Variants in PCDH10 observed in about 807,000 individuals in gnomAD.
PCDH10 encodes the protein protocadherin-10.
In PCDH10, 15 loss-of-function variants were observed where a neutral mutation model predicts 74.4. The observed-to-expected ratio is 0.20, with a 90% CI of 0.13 to 0.31. The LOEUF (loss-of-function observed/expected upper bound fraction) is 0.31, where lower values mean the gene tolerates loss of function less well. Among genes scored for constraint, PCDH10 ranks in the 10% least tolerant of loss-of-function variants. The probability of loss-of-function intolerance (pLI) is 1.00; values close to 1 mark genes in which losing one functional copy is unlikely to be tolerated. For missense variants in PCDH10, 1,260 were observed against 1,390.2 expected, an observed-to-expected ratio of 0.91 and a Z score of 1.49; for synonymous variants, 619 against 589.8, an observed-to-expected ratio of 1.05 and a Z score of -0.72.
chr4:133,153,051 C>G (rs1726776779), intron 1 of PCDH10: 1 of 1,392,196 alleles, frequency 7.2e-7, no homozygotes, highest in Middle Eastern at 2.7e-4. Context: ...TCAGTCCTTT[C>G]CCTTCTCAGT....
intron 3 of PCDH10, among the ~76,000 whole-genome samples, chr4:133,155,992 A>G (rs1343380541): frequency 2.0e-5 from 3 of 152,188 alleles, no homozygotes; most frequent in Non-Finnish European, 4.4e-5. Context: ...AGGCTAGTCA[A>G]CTTTTCTAAC....
Position 133,169,025 on chromosome 4 carries a change from A to T in PCDH10, c.3103+5743A>T, listed in dbSNP as rs867696671. ...TCATGGAGTGTTTCAGGACTTTGAG[A>T]TGTTAAATTTCTTTTGATTTGTTCT... On this transcript the variant is annotated intron_variant, in intron 4 of 4. Coordinates refer to ENST00000264360, the MANE Select transcript of PCDH10 (RefSeq NM_032961.3). 2.2e-4 allele frequency among the ~76,000 whole-genome samples: 33 copies of T among 151,796 alleles called. No individual in the cohort carries two copies. The Middle Eastern group carries it at 0.01, about 47-fold the overall frequency.
rs776083112 is a variant in PCDH10, at chr4:133,151,238, G to A, written c.1098G>A (p.Ala366=). 6.2e-7 allele frequency: 1 copy of A among 1,614,018 alleles called. No individual in the cohort carries two copies. The highest frequency in any genetic ancestry group is 1.7e-5 in the Admixed American group (1 of 60,026). ...TCAGCTTCAGCACCGTGAAGGAAGC[G>A]GTGAGTGAGGGCGCGGCGCCCGGCA... ...PEISFSTVKE[A]VSEGAAPGTV... Residue 366 remains alanine, a synonymous_variant, in exon 1 of 5, where the codon GCG becomes GCA. Transcript: ENST00000264360.
At chr4:133,203,217 T>C (rs546987056) in intron 2 of PCDH10, among the ~76,000 whole-genome samples, 1 of 152,242 alleles carries the variant, frequency 6.6e-6, no homozygotes, top group East Asian at 1.9e-4. Context: ...ATAGAGATAG[T>C]ATAGACATTA....
chr4:133,205,672 A>C (rs1035664063), intron 2 of PCDH10, among the ~76,000 whole-genome samples: 9 of 151,710 alleles, frequency 5.9e-5, no homozygotes, highest in Non-Finnish European at 1.3e-4. Context: ...CTTGTCTGTC[A>C]ATTTTCATTA....
Position 133,152,172 on chromosome 4 carries a change from C to T in PCDH10, c.2032C>T (p.Leu678=), listed in dbSNP as rs758373644. 3.2e-5 allele frequency: 51 copies of T among 1,569,444 alleles called. No individual in the cohort carries two copies. Among genetic ancestry groups the T allele is most frequent in the Middle Eastern group, 1.7e-4 (1 of 5,828 alleles). The stretch of plus-strand genomic sequence containing the variant: ...CTCCACCGCCACCCTGGTGGTTCAG[C>T]TGGTGGATGGCGCCGTGGAGCCCCA... ...LSSTATLVVQ[L]VDGAVEPQGG... Residue 678 remains leucine (L), a synonymous_variant, in exon 1 of 5, where the codon CTG becomes TTG. Transcript: ENST00000264360.
At chr4:133,177,540 AG>A (rs1727320021) in intron 4 of PCDH10, among the ~76,000 whole-genome samples, 1 of 152,170 alleles carries the variant, frequency 6.6e-6, no homozygotes, top group Admixed American at 6.6e-5. Flanking sequence ...AAATAACAAG[AG>A]ACCTAACAAC....
At position 133,174,950 on chromosome 4, in the gene PCDH10, GA is replaced by G. The variant is rs201697835; in HGVS notation, c.3103+11678del. Among the ~76,000 whole-genome samples, 783 of 146,362 alleles carry G rather than the reference GA, an allele frequency of 5.3e-3. 5 individuals are homozygous for G. Among genetic ancestry groups the G allele is most frequent in the Middle Eastern group, 8.5e-3 (2 of 236 alleles). ...GCCTCTCACAGTTAAAATTGAGCTT[GA>G]AAAAAAAAATTGAGCTTGAAATCTA... is the stretch of plus-strand genomic sequence containing the variant. On this transcript the variant is annotated intron_variant, in intron 4 of 4. Coordinates refer to ENST00000264360, the MANE Select transcript of PCDH10 (RefSeq NM_032961.3).
At chr4:133,160,156 ATGTT>A (rs1726938381) in intron 3 of PCDH10, among the ~76,000 whole-genome samples, 1 of 151,876 alleles carries the variant, frequency 6.6e-6, no homozygotes, top group Non-Finnish European at 1.5e-5. Context: ...GTTGTTTTAA[ATGTT>A]TGTTTCTATG....
intron 1 of PCDH10, 65 bp downstream of exon 1, chr4:133,152,836 GC>G: frequency 6.2e-7 from 1 of 1,602,402 alleles, no homozygotes; most frequent in Non-Finnish European, 8.5e-7. Flanking sequence ...CTCTAGCCCG[GC>G]CCTTGTATCT....
Position 133,151,638 on chromosome 4 carries a change from T to A in PCDH10, c.1498T>A (p.Tyr500Asn). The A allele has an allele frequency of 6.2e-7, 1 of 1,613,782 alleles. No individual in the cohort carries two copies. The highest frequency in any genetic ancestry group is 2.2e-5 in the East Asian group (1 of 44,866). Residue 500 changes from tyrosine (Y) to asparagine (N), a missense_variant, in exon 1 of 5, where the codon TAC (tyrosine) becomes AAC (asparagine). Coordinates refer to ENST00000264360, the MANE Select transcript of PCDH10 (RefSeq NM_032961.3). ...TGAGGGCGCCAACGCCCAGCTTGCC[T>A]ACTCTATCCTCGAGTGCCAGATCCA... Reference protein sequence around the residue: ...RDEGANAQLAYSILECQIQGM... With the variant: ...RDEGANAQLANSILECQIQGM...
In PCDH10 at chr4:133,193,036, C is replaced by A. The variant is rs1300874322; in HGVS notation, c.*2876C>A. 6.6e-6 allele frequency: 1 copy of A among 151,418 alleles called. No individual in the cohort carries two copies. The highest frequency in any genetic ancestry group is 2.4e-5 in the African/African-American group (1 of 41,310). The allele number at this position is 151,418 out of a possible 1,614,324, so 9.4% of individuals were successfully genotyped here. ...ATTATTTCAGAAAAAAAAATCATGT[C>A]ATTTACTCCTTGTTAACATGGTTAG... On this transcript the variant is annotated 3_prime_UTR_variant, in exon 5 of 5. Coordinates refer to ENST00000264360, the MANE Select transcript of PCDH10 (RefSeq NM_032961.3).
At chr4:133,179,555 A>G (rs1349802132) in intron 4 of PCDH10, among the ~76,000 whole-genome samples, 1 of 152,044 alleles carries the variant, frequency 6.6e-6, no homozygotes, top group Non-Finnish European at 1.5e-5. Flanking sequence ...TTTTCTCTCC[A>G]TTCATCTGCA....
intron 3 of PCDH10, among the ~76,000 whole-genome samples, chr4:133,156,613 G>T (rs1033170466): frequency 1.6e-4 from 25 of 152,170 alleles, no homozygotes; most frequent in Non-Finnish European, 2.9e-5. Context: ...TAATTTAACT[G>T]TCAACCTTTT....
chr4:133,176,795 T>A (rs2125868467), intron 4 of PCDH10, among the ~76,000 whole-genome samples: 1 of 152,280 alleles, frequency 6.6e-6, no homozygotes, highest in East Asian at 1.9e-4. Context: ...AAAGTTCATA[T>A]TCTCATTATT....
At chr4:133,163,342 T>C in intron 4 of PCDH10, 60 bp downstream of exon 4, 1 of 1,404,588 alleles carries the variant, frequency 7.1e-7, no homozygotes, top group Non-Finnish European at 9.6e-7. Flanking sequence ...AAGTTCAACA[T>C]TCCACTCTTT....
intron 4 of PCDH10, among the ~76,000 whole-genome samples, chr4:133,167,334 G>T (rs1395623485): frequency 6.6e-6 from 1 of 151,400 alleles, no homozygotes; most frequent in East Asian, 1.9e-4. Context: ...ATCTCAGCCT[G>T]CCTTCTGTGA....
At chr4:133,196,199 G>T (rs1381832440), downstream of PCDH10, among the ~76,000 whole-genome samples, 6 of 152,254 alleles carry the variant, frequency 3.9e-5, no homozygotes, top group East Asian at 1.2e-3. Context: ...AGCTATTCAT[G>T]CAGAGCCTAC....
chr4:133,185,653 C>T (rs1727529221), intron 4 of PCDH10, among the ~76,000 whole-genome samples: 1 of 152,084 alleles, frequency 6.6e-6, no homozygotes, highest in Non-Finnish European at 1.5e-5. Context: ...GCTTATTGAA[C>T]ACTTGAATAA....
Sources: allele counts gnomAD v4.1 joint callset (sites outside exome capture counted in the v4.1 genomes callset), GRCh38; gene constraint gnomAD v4.1.1; transcripts MANE v1.5; gene names NCBI Gene and HGNC (gene_info 2026-07-23, HGNC 2026-07-21).